The following COL22A1 variants were observed in gnomAD, a reference collection of about 807,000 sequenced individuals.
The protein encoded by COL22A1 is collagen alpha-1(XXII) chain.
Under a neutral mutation model 248.9 loss-of-function variants are expected in COL22A1, and 221 were observed. That is an observed-to-expected ratio of 0.89 (90% CI 0.80 to 0.99). COL22A1 has a LOEUF of 0.99. Among genes scored for constraint, COL22A1 ranks in the 50% least tolerant of loss-of-function variants. The probability of loss-of-function intolerance (pLI) is 0.00; values close to 1 mark genes in which losing one functional copy is unlikely to be tolerated. For missense variants in COL22A1, 2,240 were observed against 2,179.0 expected (o/e 1.03, Z -0.56); for synonymous variants, 891 against 793.4 (o/e 1.12, Z -2.07).
At chr8:138,660,971 C>CAT (rs1264713379) in intron 43 of COL22A1, among the ~76,000 whole-genome samples, 2 of 65,772 alleles carry the variant, frequency 3.0e-5, no homozygotes, top group Non-Finnish European at 8.6e-5. Flanking sequence ...CACGCACACA[C>CAT]ACATACACAC....
intron 48 of COL22A1, among the ~76,000 whole-genome samples, chr8:138,636,337 G>A (rs1178273587): frequency 6.6e-6 from 1 of 151,732 alleles, no homozygotes; most frequent in Non-Finnish European, 1.5e-5. Context: ...TATCTGTGAA[G>A]CATTTCAGCT....
intron 50 of COL22A1, among the ~76,000 whole-genome samples, chr8:138,628,925 C>T (rs909732841): frequency 6.6e-6 from 1 of 151,840 alleles, no homozygotes; most frequent in African/African-American, 2.4e-5. Flanking sequence ...ATCACCACGC[C>T]CAGCTAATTT....
chr8:138,725,267 T>C lies in COL22A1; in HGVS notation c.2193+120A>G, dbSNP rs2131169126. On this transcript the variant is annotated intron_variant, in intron 24 of 64. Coordinates refer to ENST00000303045, the MANE Select transcript of COL22A1 (RefSeq NM_152888.3). ...ACGTGTCGGGGTCCTCCTGTGTGTG[T>C]TTTTGCACTGGACTTGGGTGGATAA... 5 of 1,053,690 alleles carry C rather than the reference T, an allele frequency of 4.7e-6. No homozygotes were observed. In the East Asian group the frequency reaches 1.2e-4, roughly 25 times the overall value. The allele number at this position is 1,053,690 out of a possible 1,614,324, so 65.3% of individuals were successfully genotyped here.
At chr8:138,814,143 CCT>C (rs1177932985) in intron 7 of COL22A1, among the ~76,000 whole-genome samples, 1 of 152,236 alleles carries the variant, frequency 6.6e-6, no homozygotes, top group African/African-American at 2.4e-5. Flanking sequence ...CCCAGGTGTC[CCT>C]CTCTTCACCT....
chr8:138,746,995 C>T (rs975741302), intron 22 of COL22A1, among the ~76,000 whole-genome samples: 12 of 152,178 alleles, frequency 7.9e-5, no homozygotes, highest in South Asian at 2.1e-4. Context: ...TGAGCAACCA[C>T]GACCAGAAAT....
In COL22A1 at chr8:138,787,839, C is replaced by T. The variant is rs147211029; in HGVS notation, c.1597-6859G>A. 2.1e-3 allele frequency among the ~76,000 whole-genome samples: 316 copies of T among 152,276 alleles called. 1 individual carries two copies. Among genetic ancestry groups the T allele is most frequent in the African/African-American group, 7.3e-3 (303 of 41,538 alleles). On this transcript the variant is annotated intron_variant, in intron 12 of 64. Coordinates refer to ENST00000303045, the MANE Select transcript of COL22A1 (RefSeq NM_152888.3). ...TGGAGGCATATGGGGAGGGGGGCAA[C>T]CATCTAGCAGGAAATTATCCATCTC...
chr8:138,723,153 A>G (rs991360543), intron 25 of COL22A1, among the ~76,000 whole-genome samples: 1 of 152,128 alleles, frequency 6.6e-6, no homozygotes, highest in Non-Finnish European at 1.5e-5. Context: ...CTTCTGTGCT[A>G]TTGCTTTCAG....
At chr8:138,693,820 C>A (rs1816076879) in intron 34 of COL22A1, 121 bp from the exon 35 acceptor site, 2 of 960,284 alleles carry the variant, frequency 2.1e-6, no homozygotes. Flanking sequence ...ACTGAAGGGG[C>A]CCGGGAGCAC....
intron 30 of COL22A1, 112 bp downstream of exon 30, chr8:138,715,569 TA>T (rs397892001): frequency 1.0e-3 from 62 of 59,282 alleles, no homozygotes; most frequent in Middle Eastern, 5.6e-3. Flanking sequence ...ACTCTCATTT[TA>T]AAAAAAAAAA....
intron 3 of COL22A1, among the ~76,000 whole-genome samples, chr8:138,867,180 G>A (rs898564129): frequency 6.6e-6 from 1 of 152,228 alleles, no homozygotes; most frequent in Non-Finnish European, 1.5e-5. Flanking sequence ...TGACATGGTT[G>A]TGGTCCAGTA....
intron 21 of COL22A1, among the ~76,000 whole-genome samples, chr8:138,753,211 A>G (rs945813757): frequency 6.6e-6 from 1 of 152,102 alleles, no homozygotes; most frequent in African/African-American, 2.4e-5. Context: ...CCTCTTGAAC[A>G]CCTGCCGCAG....
rs72729640 is a variant in COL22A1, at chr8:138,697,696, G to C, written c.2592+2416C>G. On this transcript the variant is annotated intron_variant, in intron 32 of 64. Coordinates refer to ENST00000303045, the MANE Select transcript of COL22A1 (RefSeq NM_152888.3). ...TTTCCATTCTCTTCCTTCATTATGC[G>C]GCAGACCTTAACACCCCTCTAAATT... 2.6e-5 allele frequency among the ~76,000 whole-genome samples: 4 copies of C among 152,042 alleles called. No homozygotes were observed. The East Asian group carries it at 5.8e-4, about 22-fold the overall frequency.
At chr8:138,656,548 A>T (rs184456287) in intron 44 of COL22A1, among the ~76,000 whole-genome samples, 1 of 152,300 alleles carries the variant, frequency 6.6e-6, no homozygotes, top group Non-Finnish European at 1.5e-5. Flanking sequence ...GCTCAGACCC[A>T]CTGTGAGTTG....
At chr8:138,676,708 T>C (rs1355460801) in intron 40 of COL22A1, 73 bp from the exon 41 acceptor site, 14 of 1,120,940 alleles carry the variant, frequency 1.2e-5, no homozygotes, top group African/African-American at 3.1e-5. Flanking sequence ...AAATGAATCA[T>C]GCTTCTTCTA....
intron 12 of COL22A1, among the ~76,000 whole-genome samples, chr8:138,790,051 C>T (rs913403329): frequency 1.3e-5 from 2 of 152,092 alleles, no homozygotes; most frequent in African/African-American, 4.8e-5. Flanking sequence ...CTCATTGTGC[C>T]AAATATCTCA....
chr8:138,752,499 T>A (rs961931513), intron 21 of COL22A1, among the ~76,000 whole-genome samples: 4 of 152,126 alleles, frequency 2.6e-5, no homozygotes, highest in East Asian at 1.9e-4. Flanking sequence ...AAGGTGTGGA[T>A]CTCTCTTCCT....
At chr8:138,724,181 C>T (rs1198204365) in intron 25 of COL22A1, among the ~76,000 whole-genome samples, 1 of 152,132 alleles carries the variant, frequency 6.6e-6, no homozygotes, top group Non-Finnish European at 1.5e-5. Flanking sequence ...CCCCTAAGAT[C>T]CCCCAGGTCT....
At chr8:138,746,965 C>A (rs148639325) in intron 22 of COL22A1, among the ~76,000 whole-genome samples, 68 of 152,316 alleles carry the variant, frequency 4.5e-4, no homozygotes, top group Non-Finnish European at 8.4e-4. Context: ...CCTGCCACTG[C>A]GACCCTCAAA....
chr8:138,903,861 G>A (rs928890730), intron 1 of COL22A1, among the ~76,000 whole-genome samples: 6 of 152,134 alleles, frequency 3.9e-5, no homozygotes, highest in African/African-American at 1.4e-4. Context: ...TCTGGGTAAA[G>A]AGGCGCACGT....
Sources: allele counts gnomAD v4.1 joint callset (sites outside exome capture counted in the v4.1 genomes callset), GRCh38; gene constraint gnomAD v4.1.1; transcripts MANE v1.5; gene names NCBI Gene and HGNC (gene_info 2026-07-23, HGNC 2026-07-21).